The following LRP1 variants were observed in gnomAD, a reference collection of about 807,000 sequenced individuals.
LRP1 encodes the protein prolow-density lipoprotein receptor-related protein 1.
A neutral mutation model predicts 541.5 loss-of-function variants in LRP1; 51 were observed. The observed-to-expected ratio is 0.09, with a 90% CI of 0.08 to 0.12. LRP1 has a LOEUF of 0.12. Ranked by LOEUF, LRP1 falls within the 10% of genes least tolerant of loss-of-function variation. The pLI is 1.00. For missense variants in LRP1, 3,878 were observed against 6,376.2 expected (o/e 0.61, Z 13.34); for synonymous variants, 2,219 against 2,470.8 (o/e 0.90, Z 3.02).
intron 44 of LRP1, among the ~76,000 whole-genome samples, chr12:57,191,959 T>TACACACACCAC (rs1565744212): frequency 1.1e-3 from 5 of 4,580 alleles, no homozygotes; most frequent in African/African-American, 1.8e-3. Flanking sequence ...ACACACCACA[T>TACACACACCAC]ACACACACCA....
At chr12:57,136,614 C>G (rs889379656) in intron 1 of LRP1, among the ~76,000 whole-genome samples, 1 of 152,120 alleles carries the variant, frequency 6.6e-6, no homozygotes, top group African/African-American at 2.4e-5. Flanking sequence ...GGAAAAGCCA[C>G]GAAAGGCCAG....
rs1469004105 is a variant in LRP1, at chr12:57,178,926, C to T, written c.4643C>T (p.Pro1548Leu). Reference protein sequence around the residue: ...NPCEANGGQGPCSHLCLINYN... With the variant: ...NPCEANGGQGLCSHLCLINYN... ...TGTGAGGCCAATGGGGGCCAGGGCCCCTGCTCCCACCTGTGTCTCATCAAC... is the reference window on the plus strand; with the variant it reads ...TGTGAGGCCAATGGGGGCCAGGGCCTCTGCTCCCACCTGTGTCTCATCAAC... Residue 1548 changes from proline to leucine, a missense_variant, in exon 28 of 89, where the codon CCC becomes CTC. Pro to Leu is a moderately conservative substitution (Grantham distance 98, BLOSUM62 -3). Transcript: ENST00000243077. This position sits in a 1 kb window ranked among gnomAD's most constrained non-coding sequence, Gnocchi z 5.8. 1 of 1,613,868 alleles carries T rather than the reference C, an allele frequency of 6.2e-7. No homozygotes were observed. The highest frequency in any genetic ancestry group is 1.3e-5 in the African/African-American group (1 of 74,918).
chr12:57,175,353 C>T (rs1466348413), intron 22 of LRP1, 107 bp from the exon 23 acceptor site: 5 of 1,355,196 alleles, frequency 3.7e-6, no homozygotes, highest in Non-Finnish European at 5.2e-6. Flanking sequence ...GGGCAGGGCA[C>T]AAGGACTTGG....
In LRP1 at chr12:57,205,426, C is replaced by A; in HGVS notation, c.11411C>A (p.Ala3804Glu). ...GCACGCTGCGTGCGCACCGAGAAAG[C>A]GGCCTACTGTGCCTGCCGCTCGGGC... Reference protein sequence around the residue: ...DEARCVRTEKAAYCACRSGFH... With the variant: ...DEARCVRTEKEAYCACRSGFH... The change falls in exon 74 of 89, where the codon GCG becomes GAG. Residue 3804 changes from alanine (A) to glutamate (E), a missense_variant. Coordinates refer to ENST00000243077, the MANE Select transcript of LRP1 (RefSeq NM_002332.3). The surrounding 1 kb of genome is among the most constrained non-coding windows in gnomAD (Gnocchi z 4.6). 5 of 1,609,908 alleles carry A rather than the reference C, an allele frequency of 3.1e-6. No individual in the cohort carries two copies. The highest frequency in any genetic ancestry group is 2.5e-6 in the Non-Finnish European group (3 of 1,179,662).
At position 57,137,040 on chromosome 12, in the gene LRP1, G is replaced by A. The variant is rs142363871; in HGVS notation, c.68-1419G>A. 4.2e-3 allele frequency among the ~76,000 whole-genome samples: 639 copies of A among 152,206 alleles called. 17 individuals are homozygous for A. The East Asian group carries it at 0.077, about 18-fold the overall frequency. On this transcript the variant is annotated intron_variant, in intron 1 of 88. Transcript: ENST00000243077. ...ATGTATCAGATGAGGTTGGGAGTTC[G>A]AGACCAGCCTGACCAACATGGAGAA... is the stretch of plus-strand genomic sequence containing the variant.
At position 57,178,772 on chromosome 12, in the gene LRP1, CT is replaced by C; in HGVS notation, c.4607-117del. 6.6e-7 allele frequency: 1 copy of C among 1,504,342 alleles called. No homozygotes were observed. The highest frequency in any genetic ancestry group is 9.0e-7 in the Non-Finnish European group (1 of 1,113,862). 93.2% of individuals were successfully genotyped at this position (1,504,342 alleles called of 1,614,324 possible). ...GCACTGTCTAGCAGCAGAGAAGGGT[CT>C]AGTAGTAGCGGCTGCTGGAACAGGG... On this transcript the variant is annotated intron_variant, in intron 27 of 88. Transcript: ENST00000243077. The surrounding 1 kb of genome is among the most constrained non-coding windows in gnomAD (Gnocchi z 5.8).
chr12:57,185,683 C>G lies in LRP1; in HGVS notation c.6616C>G (p.Arg2206Gly). The change falls in exon 41 of 89, where the codon CGC (arginine) becomes GGC (glycine). Residue 2206 changes from arginine (R) to glycine (G), a missense_variant. Physicochemically the swap from Arg to Gly is moderately radical, Grantham distance 125. Around this residue, in one of 13 missense-constraint regions of LRP1, gnomAD observed 1,100 missense variants for 1,827.4 expected, o/e 0.60. Transcript: ENST00000243077. The surrounding 1 kb of genome is among the most constrained non-coding windows in gnomAD (Gnocchi z 4.9). ...EYAGYLLYSE[R>G]TILKSIHLSD... ...TGCCGGCTACCTGCTCTACTCAGAGCGCACCATTCTCAAGAGTATCCACCT... is the reference window on the plus strand; with the variant it reads ...TGCCGGCTACCTGCTCTACTCAGAGGGCACCATTCTCAAGAGTATCCACCT... 1 of 1,613,988 alleles carries G rather than the reference C, an allele frequency of 6.2e-7. No homozygotes were observed. The highest frequency in any genetic ancestry group is 8.5e-7 in the Non-Finnish European group (1 of 1,179,992).
At chr12:57,151,308 C>A (rs919556881) in intron 6 of LRP1, among the ~76,000 whole-genome samples, 1 of 152,128 alleles carries the variant, frequency 6.6e-6, no homozygotes, top group Non-Finnish European at 1.5e-5. Flanking sequence ...ACTGAAAGTC[C>A]TCTGTGCCAT....
In LRP1 at chr12:57,201,520, C is replaced by G. The variant is rs2036655439; in HGVS notation, c.10369C>G (p.Gln3457Glu). ...DCPEVTCAPN[Q>E]FQCSITKRCI... ...AGCCGAGGTGACCTGCGCCCCCAACCAGTTCCAGTGCTCCATTACCAAACG... is the reference window on the plus strand; with the variant it reads ...AGCCGAGGTGACCTGCGCCCCCAACGAGTTCCAGTGCTCCATTACCAAACG... Residue 3457 changes from glutamine (Q) to glutamate (E), a missense_variant, in exon 66 of 89, where the codon CAG (glutamine) becomes GAG (glutamate). Physicochemically the swap from Gln to Glu is conservative, Grantham distance 29 (BLOSUM62 2). This residue lies in a region of LRP1 where 278 missense variants were observed against 536.3 expected (regional missense o/e 0.52). Transcript: ENST00000243077. This position sits in a 1 kb window ranked among gnomAD's most constrained non-coding sequence, Gnocchi z 6.4. The G allele has an allele frequency of 6.2e-7, 1 of 1,613,814 alleles. No homozygotes were observed. Among genetic ancestry groups the G allele is most frequent in the Non-Finnish European group, 8.5e-7 (1 of 1,179,916 alleles).
Position 57,210,296 on chromosome 12 carries a change from C to G in LRP1, c.12581-11C>G, listed in dbSNP as rs1439349430. The G allele has an allele frequency of 6.5e-7, 1 of 1,549,998 alleles. No homozygotes were observed. The highest frequency in any genetic ancestry group is 1.4e-5 in the African/African-American group (1 of 73,408). ...CCCCTGGCTCTGCCCCTTGACGGGC[C>G]CTTCCTGCAGCTCCCCGGCCTGGAA... is the stretch of plus-strand genomic sequence containing the variant. On this transcript the variant is annotated splice_polypyrimidine_tract_variant and intron_variant, in intron 81 of 88. Coordinates refer to ENST00000243077, the MANE Select transcript of LRP1 (RefSeq NM_002332.3).
Position 57,209,922 on chromosome 12 carries a change from C to T in LRP1, c.12439+54C>T, listed in dbSNP as rs564905228. ...GAAGGGAGGCCTGTGGGCATTGAGT[C>T]TCCAAGCTGTGGCCCTGGGACCTGG... On this transcript the variant is annotated intron_variant, in intron 80 of 88. Transcript: ENST00000243077. The T allele has an allele frequency of 6.2e-6, 10 of 1,600,714 alleles. No individual in the cohort carries two copies. The East Asian group carries it at 2.0e-4, about 32-fold the overall frequency.
chr12:57,209,206 G>A lies in LRP1; in HGVS notation c.12262+7G>A. ...GCTGCTGACAGCAAACGAGGTCAGA[G>A]CCCGGCATAAGTCGCAGTCCCCAGC... is the stretch of plus-strand genomic sequence containing the variant. On this transcript the variant is annotated splice_region_variant and intron_variant, in intron 79 of 88. Coordinates refer to ENST00000243077, the MANE Select transcript of LRP1 (RefSeq NM_002332.3). The A allele has an allele frequency of 6.2e-7, 1 of 1,611,212 alleles. No individual in the cohort carries two copies. Among genetic ancestry groups the A allele is most frequent in the South Asian group, 1.1e-5 (1 of 91,008 alleles).
In LRP1 at chr12:57,211,590, T is replaced by G. The variant is rs752889675; in HGVS notation, c.13193+2T>G. 1 of 1,613,866 alleles carries G rather than the reference T, an allele frequency of 6.2e-7. No individual in the cohort carries two copies. Among genetic ancestry groups the G allele is most frequent in the South Asian group, 1.1e-5 (1 of 91,076 alleles). On this transcript the variant is annotated splice_donor_variant, in intron 85 of 88. Coordinates refer to ENST00000243077, the MANE Select transcript of LRP1 (RefSeq NM_002332.3). LOFTEE classifies it high-confidence loss of function. The surrounding 1 kb of genome is among the most constrained non-coding windows in gnomAD (Gnocchi z 4.3). ...CAGCAAAATGATGCCTGAGTGCCAG[T>G]GAGTTGGGCCCGGGCTTCACCCAGG... is the stretch of plus-strand genomic sequence containing the variant.
At chr12:57,166,901 G>A (rs776842353) in intron 17 of LRP1, 29 bp from the exon 18 acceptor site, 79 of 1,159,124 alleles carry the variant, frequency 6.8e-5, no homozygotes, top group Middle Eastern at 1.9e-4. Flanking sequence ...TCAGGACAAT[G>A]AGTACTCACA....
chr12:57,195,500 G>A, intron 52 of LRP1, 101 bp downstream of exon 52: 2 of 1,570,488 alleles, frequency 1.3e-6, no homozygotes, highest in East Asian at 2.2e-5. Flanking sequence ...GCCTCAGCGG[G>A]GTCCACTGGG....
Position 57,179,224 on chromosome 12 carries a change from G to T in LRP1, c.4739-105G>T. On this transcript the variant is annotated intron_variant, in intron 28 of 88. Coordinates refer to ENST00000243077, the MANE Select transcript of LRP1 (RefSeq NM_002332.3). This position sits in a 1 kb window ranked among gnomAD's most constrained non-coding sequence, Gnocchi z 6.8. ...GCGGGGTATGTCCACGGAGCCAAGG[G>T]CCAGTAGCAAACAGACGGATCCAGA... 1 of 1,183,068 alleles carries T rather than the reference G, an allele frequency of 8.5e-7. No homozygotes were observed. Among genetic ancestry groups the T allele is most frequent in the South Asian group, 1.4e-5 (1 of 70,170 alleles). 73.3% of individuals were successfully genotyped at this position (1,183,068 alleles called of 1,614,324 possible). A position where few individuals can be genotyped will look rare whatever the true frequency, so the allele number is the denominator to read the frequency against.
At chr12:57,199,099 TG>T in intron 60 of LRP1, 112 bp from the exon 61 acceptor site, 1 of 946,578 alleles carries the variant, frequency 1.1e-6, no homozygotes, top group Non-Finnish European at 1.7e-6. Context: ...CATCTGTAAC[TG>T]GGGCTGACAC....
In LRP1 at chr12:57,179,242, G is replaced by T; in HGVS notation, c.4739-87G>T. ...GCCAAGGGCCAGTAGCAAACAGACGGATCCAGAAGAAGGCAGGGCCTGAAA... is the reference window on the plus strand; with the variant it reads ...GCCAAGGGCCAGTAGCAAACAGACGTATCCAGAAGAAGGCAGGGCCTGAAA... On this transcript the variant is annotated intron_variant, in intron 28 of 88. Coordinates refer to ENST00000243077, the MANE Select transcript of LRP1 (RefSeq NM_002332.3). The surrounding 1 kb of genome is among the most constrained non-coding windows in gnomAD (Gnocchi z 6.8). 8.0e-7 allele frequency: 1 copy of T among 1,244,842 alleles called. No individual in the cohort carries two copies. The allele number at this position is 1,244,842 out of a possible 1,614,324, so 77.1% of individuals were successfully genotyped here.
chr12:57,201,561 C>T lies in LRP1; in HGVS notation c.10410C>T (p.Val3470=). 1 of 1,614,134 alleles carries T rather than the reference C, an allele frequency of 6.2e-7. No individual in the cohort carries two copies. Among genetic ancestry groups the T allele is most frequent in the Non-Finnish European group, 8.5e-7 (1 of 1,180,008 alleles). The change falls in exon 66 of 89, where the codon GTC becomes GTT. Residue 3470 remains valine, a synonymous_variant. Transcript: ENST00000243077. The surrounding 1 kb of genome is among the most constrained non-coding windows in gnomAD (Gnocchi z 6.4). ...CSITKRCIPR[V]WVCDRDNDCV... ...TTACCAAACGGTGCATCCCCCGGGT[C>T]TGGGTCTGCGACCGGGACAATGACT...
Sources: allele counts gnomAD v4.1 joint callset (sites outside exome capture counted in the v4.1 genomes callset), GRCh38; gene constraint gnomAD v4.1.1; regional missense constraint gnomAD v4.1.1; non-coding constraint Gnocchi (gnomAD v3.1); transcripts MANE v1.5; gene names NCBI Gene and HGNC (gene_info 2026-07-23, HGNC 2026-07-21).